RASGRP4: variants seen among roughly 807,000 people sequenced by gnomAD.
RASGRP4 encodes the protein RAS guanyl-releasing protein 4.
Under a neutral mutation model 84.4 loss-of-function variants are expected in RASGRP4, and 52 were observed. The ratio of observed to expected loss-of-function variants is 0.62; its 90% CI spans 0.49 to 0.78. The LOEUF is 0.78. Ranked by LOEUF, RASGRP4 falls within the 30% of genes least tolerant of loss-of-function variation. RASGRP4 has a pLI of 0.00. For synonymous variants in RASGRP4, 356 were observed against 359.1 expected, an observed-to-expected ratio of 0.99 and a Z score of 0.10; for missense variants, 760 against 886.9, an observed-to-expected ratio of 0.86 and a Z score of 1.82.
chr19:38,414,845 C>T lies in RASGRP4; in HGVS notation c.1230+3G>A, dbSNP rs763179622. 1 of 1,582,630 alleles carries T rather than the reference C, an allele frequency of 6.3e-7. No individual in the cohort carries two copies. The highest frequency in any genetic ancestry group is 1.3e-5 in the African/African-American group (1 of 74,580). On this transcript the variant is annotated splice_donor_region_variant and intron_variant, in intron 9 of 16. Coordinates refer to ENST00000615439, the MANE Select transcript of RASGRP4 (RefSeq NM_170604.3). ...CAGCCTGGGCGGGGCCAGGGGGGCT[C>T]ACCGTGAGCAGGTGCAGCAGATCCT...
chr19:38,420,952 C>T lies in RASGRP4; in HGVS notation c.333G>A (p.Gly111=). 1 of 1,613,854 alleles carries T rather than the reference C, an allele frequency of 6.2e-7. No individual in the cohort carries two copies. Among genetic ancestry groups the T allele is most frequent in the Non-Finnish European group, 8.5e-7 (1 of 1,179,852 alleles). Residue 111 remains glycine, a synonymous_variant, in exon 4 of 17, where the codon GGG becomes GGA. Coordinates refer to ENST00000615439, the MANE Select transcript of RASGRP4 (RefSeq NM_170604.3). The part of the protein sequence containing the change: ...RLLTSYQKAT[G]DTQELRRLQI... ...GCAGCCGTCTCAGCTCCTGGGTGTCCCCTGTGGCCTTCTGGTATTTGAGTT... is the reference window on the plus strand; with the variant it reads ...GCAGCCGTCTCAGCTCCTGGGTGTCTCCTGTGGCCTTCTGGTATTTGAGTT...
chr19:38,415,258 C>T (rs1459574960), intron 8 of RASGRP4, 135 bp from the exon 9 acceptor site: 4 of 747,350 alleles, frequency 5.4e-6, no homozygotes, highest in South Asian at 2.2e-5. Flanking sequence ...TATCCCATGC[C>T]GGTCTCAGCA....
intron 4 of RASGRP4, 117 bp from the exon 5 acceptor site, chr19:38,420,379 G>T (rs943809189): frequency 1.7e-6 from 2 of 1,175,338 alleles, no homozygotes; most frequent in Admixed American, 2.8e-5. Flanking sequence ...AATGTGTGTG[G>T]GGGTCCCTGG....
In RASGRP4 at chr19:38,410,943, C is replaced by CT. The variant is rs1279373959; in HGVS notation, c.1907dup (p.Leu637AlafsTer9). 3.1e-6 allele frequency: 5 copies of CT among 1,604,708 alleles called. No individual in the cohort carries two copies. In the Admixed American group the frequency reaches 8.6e-5, roughly 28 times the overall value. On this transcript the variant is annotated frameshift_variant, in exon 16 of 17. Transcript: ENST00000615439. LOFTEE classifies it high-confidence loss of function. ...CAGTCTGGGTCCAGGCATGGCGAAG[C>CT]TGGCACCCAGTCTCAGGCTCCAGGG...
rs1971303746 is a variant in RASGRP4 at position 38,412,486 on chromosome 19, A to G, written c.1680+186T>C. The G allele has an allele frequency of 1.6e-6, 1 of 620,626 alleles. No individual in the cohort carries two copies. The highest frequency in any genetic ancestry group is 2.8e-6 in the Non-Finnish European group (1 of 362,064). The allele number at this position is 620,626 out of a possible 1,614,324, so 38.4% of individuals were successfully genotyped here. A position where few individuals can be genotyped will look rare whatever the true frequency, so the allele number is the denominator to read the frequency against. On this transcript the variant is annotated intron_variant, in intron 13 of 16. Transcript: ENST00000615439. The surrounding 1 kb of genome is among the most constrained non-coding windows in gnomAD (Gnocchi z 4.6). The stretch of plus-strand genomic sequence containing the variant: ...TTGTCTGGGGTGGACATTATCTGGG[A>G]TTTTGGGATTATCTGGCATTTGGAG...
Position 38,413,287 on chromosome 19 carries a change from G to A in RASGRP4, c.1322C>T (p.Pro441Leu). 1.2e-6 allele frequency: 2 copies of A among 1,613,732 alleles called. No individual in the cohort carries two copies. The highest frequency in any genetic ancestry group is 1.7e-6 in the Non-Finnish European group (2 of 1,179,736). The change falls in exon 11 of 17, where the codon CCC (proline) becomes CTC (leucine). Residue 441 changes from proline to leucine, a missense_variant. Transcript: ENST00000615439. The surrounding 1 kb of genome is among the most constrained non-coding windows in gnomAD (Gnocchi z 4.7). ...PRCPKSLPPSPFNAPLVVEWA... is the reference protein window; with the variant it reads ...PRCPKSLPPSLFNAPLVVEWA... The stretch of plus-strand genomic sequence containing the variant: ...CTCCACCACCAGAGGTGCATTGAAG[G>A]GGGAGGGTGGCTGGGGCGGGGACAG...
chr19:38,412,689 C>T lies in RASGRP4; in HGVS notation c.1663G>A (p.Asp555Asn), dbSNP rs1471574695. Reference protein sequence around the residue: ...EVTFRKPTFCDSCSGFLWGVT... With the variant: ...EVTFRKPTFCNSCSGFLWGVT... ...GTGCTCACGAAGCCACTGCAGCTGTCGCAGAAGGTAGGCTTTCGGAAGGTG... is the reference window on the plus strand; with the variant it reads ...GTGCTCACGAAGCCACTGCAGCTGTTGCAGAAGGTAGGCTTTCGGAAGGTG... The change falls in exon 13 of 17, where the codon GAC becomes AAC. Residue 555 changes from aspartate to asparagine, a missense_variant. By Grantham distance (23) the Asp-to-Asn change is conservative. Coordinates refer to ENST00000615439, the MANE Select transcript of RASGRP4 (RefSeq NM_170604.3). The surrounding 1 kb of genome is among the most constrained non-coding windows in gnomAD (Gnocchi z 4.6). The T allele has an allele frequency of 3.7e-6, 6 of 1,613,226 alleles. No homozygotes were observed. The highest frequency in any genetic ancestry group is 1.7e-4 in the Middle Eastern group (1 of 6,058).
Position 38,420,910 on chromosome 19 carries a change from G to C in RASGRP4, c.375C>G (p.Val125=), listed in dbSNP as rs370414290. The change falls in exon 4 of 17, where the codon GTC becomes GTG. Residue 125 remains valine, a splice_region_variant and synonymous_variant. Transcript: ENST00000615439. Reference sequence around the variant, plus strand: ...TGGGGATCTCGGCCCAGCCCTACCTGACCAGGTGACAGATCTGCAGCCGTC... The same window carrying C: ...TGGGGATCTCGGCCCAGCCCTACCTCACCAGGTGACAGATCTGCAGCCGTC... ...ELRRLQICHL[V]RYWLMRHPEV... is the part of the protein sequence containing the mutation. 1.7e-5 allele frequency: 27 copies of C among 1,601,952 alleles called. No homozygotes were observed. The African/African-American group carries it at 2.9e-4, about 17-fold the overall frequency.
intron 6 of RASGRP4, 23 bp downstream of exon 6, chr19:38,419,837 C>T (rs545978747): frequency 6.5e-5 from 101 of 1,563,798 alleles, no homozygotes; most frequent in African/African-American, 2.3e-4. Context: ...CTGCTTGGGA[C>T]GGGGATGGGA....
chr19:38,410,864 G>T, intron 16 of RASGRP4, 22 bp downstream of exon 16: 2 of 1,528,832 alleles, frequency 1.3e-6, no homozygotes, highest in Non-Finnish European at 1.8e-6. Flanking sequence ...TCCACTTGGG[G>T]GTAGGGGCGG....
rs1192227148 is a variant in RASGRP4, at chr19:38,417,527, C to T, written c.838-359G>A. ...GGGTGTCAGCCATCTGGGGGTCTGACTGCTCTGAGAGTCACACAGGTGCGG... is the reference window on the plus strand; with the variant it reads ...GGGTGTCAGCCATCTGGGGGTCTGATTGCTCTGAGAGTCACACAGGTGCGG... On this transcript the variant is annotated intron_variant, in intron 7 of 16. Transcript: ENST00000615439. This position sits in a 1 kb window ranked among gnomAD's most constrained non-coding sequence, Gnocchi z 5.1. Among the ~76,000 whole-genome samples the T allele has an allele frequency of 6.6e-6, 1 of 152,140 alleles. No homozygotes were observed. The highest frequency in any genetic ancestry group is 2.4e-5 in the African/African-American group (1 of 41,428).
At chr19:38,422,180 T>C (rs1971788157) in intron 1 of RASGRP4, 27 bp from the exon 2 acceptor site, 2 of 1,582,776 alleles carry the variant, frequency 1.3e-6, no homozygotes, top group African/African-American at 1.3e-5. Flanking sequence ...CAAGGAGTCA[T>C]GGGAGCACCT....
At position 38,417,497 on chromosome 19, in the gene RASGRP4, T is replaced by A. The variant is rs530168429; in HGVS notation, c.838-329A>T. Among the ~76,000 whole-genome samples, 21 of 152,062 alleles carry A rather than the reference T, an allele frequency of 1.4e-4. No individual in the cohort carries two copies. Among genetic ancestry groups the A allele is most frequent in the South Asian group, 6.2e-4 (3 of 4,828 alleles). On this transcript the variant is annotated intron_variant, in intron 7 of 16. Transcript: ENST00000615439. The surrounding 1 kb of genome is among the most constrained non-coding windows in gnomAD (Gnocchi z 5.1). ...TGTCAGGTGGAGGAGGCTTCAGACA[T>A]GTCAGGGTGTCAGCCATCTGGGGGT...
Position 38,410,875 on chromosome 19 carries a change from T to C in RASGRP4, c.1965+11A>G, listed in dbSNP as rs1600541928. ...TGTATCCACTTGGGGGTAGGGGCGG[T>C]TTCTCCTCACCGTATCTGTTTCCCA... is the stretch of plus-strand genomic sequence containing the variant. On this transcript the variant is annotated intron_variant, in intron 16 of 16. Coordinates refer to ENST00000615439, the MANE Select transcript of RASGRP4 (RefSeq NM_170604.3). 1 of 1,574,352 alleles carries C rather than the reference T, an allele frequency of 6.4e-7. No homozygotes were observed. Among genetic ancestry groups the C allele is most frequent in the African/African-American group, 1.3e-5 (1 of 74,148 alleles).
At chr19:38,421,503 G>A (rs1971748955) in intron 2 of RASGRP4, among the ~76,000 whole-genome samples, 3 of 152,162 alleles carry the variant, frequency 2.0e-5, no homozygotes, top group Non-Finnish European at 4.4e-5. Flanking sequence ...TATGAGGCCA[G>A]GAGTTCGGGA....
rs1328696299 is a variant in RASGRP4 at position 38,414,839 on chromosome 19, G to A, written c.1230+9C>T. 1 of 1,577,428 alleles carries A rather than the reference G, an allele frequency of 6.3e-7. No homozygotes were observed. Reference sequence around the variant, plus strand: ...GAAGCCCAGCCTGGGCGGGGCCAGGGGGGCTCACCGTGAGCAGGTGCAGCA... The same window carrying A: ...GAAGCCCAGCCTGGGCGGGGCCAGGAGGGCTCACCGTGAGCAGGTGCAGCA... On this transcript the variant is annotated intron_variant, in intron 9 of 16. Transcript: ENST00000615439.
chr19:38,420,137 G>T lies in RASGRP4; in HGVS notation c.503C>A (p.Ser168Tyr). Residue 168 changes from serine to tyrosine, a missense_variant, in exon 5 of 17, where the codon TCT (serine) becomes TAT (tyrosine). Ser to Tyr is a moderately radical substitution (Grantham distance 144). Coordinates refer to ENST00000615439, the MANE Select transcript of RASGRP4 (RefSeq NM_170604.3). ...NSAQRRLGDS[S>Y]DLLSPGGPGP... ...GAGCACAGGGCTGACTCACAGGTCA[G>T]AAGAGTCTCCCAGTCTTCTCTGGGC... The T allele has an allele frequency of 6.2e-7, 1 of 1,612,916 alleles. No homozygotes were observed. Among genetic ancestry groups the T allele is most frequent in the Non-Finnish European group, 8.5e-7 (1 of 1,179,396 alleles).
rs113584388 is a variant in RASGRP4 at position 38,424,616 on chromosome 19, T to TGG, written c.23+1451_23+1452dup. On this transcript the variant is annotated intron_variant, in intron 1 of 16. Coordinates refer to ENST00000615439, the MANE Select transcript of RASGRP4 (RefSeq NM_170604.3). Reference sequence around the variant, plus strand: ...GTGTGTGTGTTTGGGTGTGTGTCAATGGGGGGGGGGGTCTCACTATATTTC... The same window carrying TGG: ...GTGTGTGTGTTTGGGTGTGTGTCAATGGGGGGGGGGGGGTCTCACTATATTTC... Among the ~76,000 whole-genome samples, 766 of 109,534 alleles carry TGG rather than the reference T, an allele frequency of 7.0e-3. 9 individuals are homozygous for TGG. Among genetic ancestry groups the TGG allele is most frequent in the African/African-American group, 0.018 (547 of 30,622 alleles). The allele number at this position is 109,534 out of a possible 152,430, so 71.9% of individuals were successfully genotyped here.
rs1186416247 is a variant in RASGRP4, at chr19:38,417,173, G to A, written c.838-5C>T. The A allele has an allele frequency of 1.3e-6, 2 of 1,546,220 alleles. No homozygotes were observed. The highest frequency in any genetic ancestry group is 2.4e-5 in the East Asian group (1 of 41,136). ...ATTCTGCAGCTGGTGGAGCCTCTAGGAAGAGAAGCATGCACACAGGGCCGT... is the reference window on the plus strand; with the variant it reads ...ATTCTGCAGCTGGTGGAGCCTCTAGAAAGAGAAGCATGCACACAGGGCCGT... On this transcript the variant is annotated splice_region_variant and splice_polypyrimidine_tract_variant and intron_variant, in intron 7 of 16. Coordinates refer to ENST00000615439, the MANE Select transcript of RASGRP4 (RefSeq NM_170604.3). The surrounding 1 kb of genome is among the most constrained non-coding windows in gnomAD (Gnocchi z 5.1).
Sources: gnomAD v4.1 joint callset for allele counts (sites outside exome capture counted in the v4.1 genomes callset) on GRCh38, gnomAD v4.1.1 for gene constraint, Gnocchi (gnomAD v3.1) non-coding constraint, MANE v1.5 for transcripts, NCBI Gene and HGNC (gene_info 2026-07-23, HGNC 2026-07-21) for gene names.